PPP6R3: variants seen among roughly 807,000 people sequenced by gnomAD.
PPP6R3 encodes protein phosphatase 6 regulatory subunit 3, also known as serine/threonine-protein phosphatase 6 regulatory subunit 3.
A neutral mutation model predicts 110.7 loss-of-function variants in PPP6R3; 38 were observed. The observed-to-expected ratio is 0.34, with a 90% confidence interval of 0.26 to 0.45. The LOEUF (loss-of-function observed/expected upper bound fraction) is 0.45. Among genes scored for constraint, PPP6R3 ranks in the 20% least tolerant of loss-of-function variants. The pLI is 1.00. For missense variants in PPP6R3, 870 were observed against 1,062.4 expected (o/e 0.82, Z 2.52); for synonymous variants, 369 against 373.5 (o/e 0.99, Z 0.14).
intron 23 of PPP6R3, among the ~76,000 whole-genome samples, chr11:68,612,494 A>G (rs923761308): frequency 1.6e-4 from 24 of 151,972 alleles, no homozygotes; most frequent in African/African-American, 5.8e-4. Flanking sequence ...ACACTTTGTT[A>G]TATACTGTCC....
chr11:68,543,910 C>T (rs2099332635), intron 3 of PPP6R3, among the ~76,000 whole-genome samples: 1 of 152,146 alleles, frequency 6.6e-6, no homozygotes, highest in African/African-American at 2.4e-5. Context: ...GTCTGGTTGT[C>T]AGAGGCAAGC....
intron 1 of PPP6R3, among the ~76,000 whole-genome samples, chr11:68,499,092 T>C (rs538046123): frequency 1.3e-5 from 2 of 152,254 alleles, no homozygotes; most frequent in East Asian, 3.9e-4. Flanking sequence ...ATGAAACATA[T>C]GTTTAAGCCT....
Position 68,600,387 on chromosome 11 carries a change from C to T in PPP6R3, c.2085C>T (p.His695=), listed in dbSNP as rs752834053. Residue 695 remains histidine (H), a synonymous_variant, in exon 20 of 24, where the codon CAC becomes CAT. Transcript: ENST00000393800. ...TTGATGTCCCAATGGAAACAACCCA[C>T]GGTGCTCCATTGGATTCTGTGGGAT... ...ANFDVPMETT[H]GAPLDSVGSD... 14 of 1,614,062 alleles carry T rather than the reference C, an allele frequency of 8.7e-6. No individual in the cohort carries two copies. Among genetic ancestry groups the T allele is most frequent in the South Asian group, 2.2e-5 (2 of 91,074 alleles).
At chr11:68,463,530 T>TTGTGTG (rs949715095) in intron 1 of PPP6R3, among the ~76,000 whole-genome samples, 2 of 151,612 alleles carry the variant, frequency 1.3e-5, no homozygotes, top group Non-Finnish European at 2.9e-5. Flanking sequence ...CTGTGTGTGT[T>TTGTGTG]TGTGTGTGTG....
intron 3 of PPP6R3, among the ~76,000 whole-genome samples, chr11:68,542,411 T>TTTTTTTTTTTTTTG (rs1244450813): frequency 1.4e-5 from 2 of 141,882 alleles, no homozygotes; most frequent in African/African-American, 2.7e-5. Context: ...TTTTTTTTTT[T>TTTTTTTTTTTTTTG]AAGACAGAGT....
At chr11:68,507,772 A>G (rs1318878685) in intron 1 of PPP6R3, among the ~76,000 whole-genome samples, 2 of 152,140 alleles carry the variant, frequency 1.3e-5, no homozygotes, top group East Asian at 1.9e-4. Flanking sequence ...GTGATATACC[A>G]CCTGTCTGTC....
chr11:68,542,389 G>GTTTTTTTTTTTTGTTTTTTTTTTTTTT (rs2099322111), intron 3 of PPP6R3, among the ~76,000 whole-genome samples: 1 of 40,188 alleles, frequency 2.5e-5, no homozygotes, highest in Non-Finnish European at 4.1e-5. Context: ...AGAAGCTGCT[G>GTTTTTTTTTTTTGTTTTTTTTTTTTTT]TTTTTTTTTT....
intron 1 of PPP6R3, among the ~76,000 whole-genome samples, chr11:68,488,133 C>A (rs2153422376): frequency 6.6e-6 from 1 of 152,306 alleles, no homozygotes; most frequent in South Asian, 2.1e-4. Context: ...GCCTTGATAA[C>A]TTTTCTTGTT....
chr11:68,595,237 C>T lies in PPP6R3; in HGVS notation c.1917-860C>T, dbSNP rs1318265237. Among the ~76,000 whole-genome samples, 16 of 52,518 alleles carry T rather than the reference C, an allele frequency of 3.0e-4. No homozygotes were observed. The East Asian group carries it at 7.4e-3, about 24-fold the overall frequency. 34.5% of individuals were successfully genotyped at this position (52,518 alleles called of 152,430 possible). A position where few individuals can be genotyped will look rare whatever the true frequency, so the allele number is the denominator to read the frequency against. ...TTTTTTTTTTTTTTTTTTTTGGAGA[C>T]GGAGTTTTGTTCTTCTTGTCCAGGC... On this transcript the variant is annotated intron_variant, in intron 18 of 23. Coordinates refer to ENST00000393800, the MANE Select transcript of PPP6R3 (RefSeq NM_001164161.2).
chr11:68,545,535 C>T (rs1315404037), intron 4 of PPP6R3, among the ~76,000 whole-genome samples: 4 of 152,162 alleles, frequency 2.6e-5, no homozygotes, highest in African/African-American at 4.8e-5. Flanking sequence ...GTATAGACTG[C>T]TGTGTACATT....
At chr11:68,545,165 C>G (rs778391121) in intron 4 of PPP6R3, 141 bp downstream of exon 4, 6 of 536,996 alleles carry the variant, frequency 1.1e-5, no homozygotes, top group Middle Eastern at 2.8e-4. Flanking sequence ...CTTAAACATT[C>G]TAAGCACTCA....
At chr11:68,610,060 C>T (rs371410423) in intron 23 of PPP6R3, 37 bp downstream of exon 23, 79 of 1,605,790 alleles carry the variant, frequency 4.9e-5, no homozygotes, top group Middle Eastern at 1.7e-4. Context: ...CCAGGCCCTG[C>T]CCTGACCTTG....
At chr11:68,568,401 G>A (rs555092665) in intron 10 of PPP6R3, among the ~76,000 whole-genome samples, 11 of 152,228 alleles carry the variant, frequency 7.2e-5, no homozygotes, top group Middle Eastern at 3.4e-3. Flanking sequence ...ACTACTGGAG[G>A]AGTTACTCAT....
chr11:68,462,463 G>T (rs1335120803), intron 1 of PPP6R3, among the ~76,000 whole-genome samples: 1 of 152,130 alleles, frequency 6.6e-6, no homozygotes, highest in Non-Finnish European at 1.5e-5. Flanking sequence ...AGCTTAAGTC[G>T]GGCTTTGTTC....
At chr11:68,612,664 A>G (rs1944163559) in intron 23 of PPP6R3, among the ~76,000 whole-genome samples, 1 of 151,866 alleles carries the variant, frequency 6.6e-6, no homozygotes, top group African/African-American at 2.4e-5. Flanking sequence ...TTTCCAAGTG[A>G]AATAGTATGT....
At chr11:68,476,265 A>G (rs1452709968) in intron 1 of PPP6R3, among the ~76,000 whole-genome samples, 2 of 152,182 alleles carry the variant, frequency 1.3e-5, no homozygotes, top group South Asian at 2.1e-4. Flanking sequence ...GCTGGAGACC[A>G]GCCCGGCCAA....
chr11:68,564,427 C>T lies in PPP6R3; in HGVS notation c.970C>T (p.Pro324Ser). Residue 324 changes from proline (P) to serine (S), a missense_variant, in exon 9 of 24, where the codon CCC (proline) becomes TCC (serine). By Grantham distance (74) the Pro-to-Ser change is moderately conservative (BLOSUM62 -1). Coordinates refer to ENST00000393800, the MANE Select transcript of PPP6R3 (RefSeq NM_001164161.2). ...GSFHELLLEP[P>S]KKSVMKTTWG... ...TTTTCATGAACTCCTGCTGGAGCCA[C>T]CCAAGGTAGGGGAGCTATGTTAAGC... 6.2e-7 allele frequency: 1 copy of T among 1,613,832 alleles called. No individual in the cohort carries two copies.
chr11:68,500,633 A>G (rs2099043679), intron 1 of PPP6R3, among the ~76,000 whole-genome samples: 1 of 152,078 alleles, frequency 6.6e-6, no homozygotes, highest in East Asian at 1.9e-4. Flanking sequence ...ACGTGCCACC[A>G]CGCCCGGCTA....
At chr11:68,586,514 C>T (rs1422697301) in intron 15 of PPP6R3, 1 of 152,258 alleles carries the variant, frequency 6.6e-6, no homozygotes, top group Non-Finnish European at 1.5e-5. Flanking sequence ...CTCCCTGCCC[C>T]CATGTGCTCA....
Sources: gnomAD v4.1 joint callset for allele counts (sites outside exome capture counted in the v4.1 genomes callset) on GRCh38, gnomAD v4.1.1 for gene constraint, MANE v1.5 for transcripts, NCBI Gene and HGNC (gene_info 2026-07-23, HGNC 2026-07-21) for gene names.